The following PDE1A variants were observed in gnomAD, a reference collection of about 807,000 sequenced individuals.
The protein encoded by PDE1A is phosphodiesterase 1A, also known as dual specificity calcium/calmodulin-dependent 3',5'-cyclic nucleotide phosphodiesterase 1A.
In PDE1A, 35 loss-of-function variants were observed where a neutral mutation model predicts 61.7. The observed-to-expected ratio is 0.57, with a 90% CI of 0.43 to 0.75. PDE1A has a LOEUF of 0.75. PDE1A is among the 30% of genes least tolerant of loss of function. PDE1A has a pLI of 0.00. For missense variants in PDE1A, 597 were observed against 630.6 expected (o/e 0.95, Z 0.57); for synonymous variants, 232 against 213.2 (o/e 1.09, Z -0.77).
chr2:182,679,627 T>TA, the PDE1A span, among the ~76,000 whole-genome samples: 1 of 152,082 alleles, frequency 6.6e-6, no homozygotes, highest in Non-Finnish European at 1.5e-5. Context: ...AAAGGAAATG[T>TA]AAAATCCTCC....
At chr2:182,281,530 G>A (rs543810609) in intron 1 of PDE1A, among the ~76,000 whole-genome samples, 7 of 151,748 alleles carry the variant, frequency 4.6e-5, no homozygotes, top group South Asian at 4.2e-4. Flanking sequence ...CAACTGCTTC[G>A]TGAAAGAGCC....
chr2:182,208,255 C>G (rs931969037), intron 7 of PDE1A, among the ~76,000 whole-genome samples: 1 of 152,106 alleles, frequency 6.6e-6, no homozygotes, highest in South Asian at 2.1e-4. Flanking sequence ...AATTGACTTA[C>G]AGTTCTGCAT....
Position 182,264,297 on chromosome 2 carries a change from T to C in PDE1A, c.167+4A>G, listed in dbSNP as rs1692444524. On this transcript the variant is annotated splice_donor_region_variant and intron_variant, in intron 2 of 13. Transcript: ENST00000351439. ...AGATAAAAGAGAAGAAGGTTAAAAC[T>C]TACCTTGTTTCATCGATATAAACTG... 6.3e-7 allele frequency: 1 copy of C among 1,590,230 alleles called. No individual in the cohort carries two copies. Among genetic ancestry groups the C allele is most frequent in the Admixed American group, 1.7e-5 (1 of 59,312 alleles).
intron 1 of PDE1A, among the ~76,000 whole-genome samples, chr2:182,278,143 A>G (rs1249025869): frequency 6.6e-6 from 1 of 151,988 alleles, no homozygotes; most frequent in Non-Finnish European, 1.5e-5. Context: ...TGAATTCTCT[A>G]CCCTTTCCTG....
intron 2 of PDE1A, among the ~76,000 whole-genome samples, chr2:182,499,186 T>TG (rs1298552389): frequency 1.5e-5 from 2 of 135,218 alleles, no homozygotes; most frequent in African/African-American, 5.7e-5. Flanking sequence ...TTTTTTTTTT[T>TG]TTTTTTTTGA....
At chr2:182,468,987 G>A (rs376504680) in intron 2 of PDE1A, among the ~76,000 whole-genome samples, 166 of 152,076 alleles carry the variant, frequency 1.1e-3, no homozygotes, top group African/African-American at 3.8e-3. Context: ...CAGATGTACT[G>A]TTATCCAGCT....
intron 2 of PDE1A, among the ~76,000 whole-genome samples, chr2:182,464,846 C>G (rs192249361): frequency 6.6e-6 from 1 of 151,994 alleles, no homozygotes; most frequent in African/African-American, 2.4e-5. Flanking sequence ...ACCACCAGAA[C>G]GAAAGCACCA....
At chr2:182,168,038 T>C (rs754049162) in exon 14 of PDE1A, 14 of 1,255,940 alleles carry the variant, frequency 1.1e-5, no homozygotes, top group Non-Finnish European at 1.4e-5. Flanking sequence ...AGCCACTAGA[T>C]GAATCTGTTC....
intron 1 of PDE1A, among the ~76,000 whole-genome samples, chr2:182,362,898 C>T (rs999550498): frequency 3.3e-5 from 5 of 151,920 alleles, no homozygotes; most frequent in East Asian, 3.9e-4. Context: ...AAAAGGAATG[C>T]GATCACGTTC....
downstream of PDE1A, among the ~76,000 whole-genome samples, chr2:182,145,880 G>C (rs896676904): frequency 1.3e-5 from 2 of 152,094 alleles, no homozygotes; most frequent in Admixed American, 6.5e-5. Context: ...AGAATATTGA[G>C]GAAGAAATTA....
chr2:182,402,996 T>C (rs1176210405), intron 1 of PDE1A, among the ~76,000 whole-genome samples: 1 of 152,024 alleles, frequency 6.6e-6, no homozygotes, highest in Non-Finnish European at 1.5e-5. Flanking sequence ...CCAGTTAGAA[T>C]GGCGACCATT....
chr2:182,374,312 A>C (rs1242758074), intron 1 of PDE1A, among the ~76,000 whole-genome samples: 1 of 152,094 alleles, frequency 6.6e-6, no homozygotes, highest in African/African-American at 2.4e-5. Context: ...ACCTCACACC[A>C]TAGATAAGAA....
intron 1 of PDE1A, among the ~76,000 whole-genome samples, chr2:182,384,103 A>G (rs1333425481): frequency 1.3e-5 from 2 of 152,216 alleles, no homozygotes; most frequent in African/African-American, 4.8e-5. Context: ...GACAATCCTT[A>G]GTGACAGGCA....
chr2:182,708,601 T>C, the PDE1A span, among the ~76,000 whole-genome samples: 1 of 151,998 alleles, frequency 6.6e-6, no homozygotes, highest in Admixed American at 6.6e-5. Flanking sequence ...GCCCATCAGA[T>C]CTCTGAGAAC....
chr2:182,629,414 C>A, the PDE1A span, among the ~76,000 whole-genome samples: 2 of 152,206 alleles, frequency 1.3e-5, no homozygotes, highest in Non-Finnish European at 2.9e-5. Flanking sequence ...ACTACCACCA[C>A]CACCACTCAG....
intron 2 of PDE1A, among the ~76,000 whole-genome samples, chr2:182,493,423 C>T (rs1227111889): frequency 6.6e-6 from 1 of 152,050 alleles, no homozygotes. Flanking sequence ...CTAATGCTAT[C>T]CCTCCCCGCC....
rs532032895 is a variant in PDE1A, at chr2:182,441,797, G to C, written c.101+80479C>G. Reference sequence around the variant, plus strand: ...AGAACATACAAATGAGCTTGAAGAGGCTTCATTGATCAAATCTGGGACAAT... The same window carrying C: ...AGAACATACAAATGAGCTTGAAGAGCCTTCATTGATCAAATCTGGGACAAT... On this transcript the variant is annotated intron_variant, in intron 2 of 14. Coordinates refer to the PDE1A transcript ENST00000410103. Among the ~76,000 whole-genome samples the C allele has an allele frequency of 2.1e-4, 32 of 152,150 alleles. No homozygotes were observed. The South Asian group carries it at 6.4e-3, about 31-fold the overall frequency.
chr2:182,186,307 G>A (rs1685200430), intron 12 of PDE1A, among the ~76,000 whole-genome samples, 161 bp downstream of exon 12: 1 of 152,142 alleles, frequency 6.6e-6, no homozygotes. Context: ...AACTTCAGTT[G>A]TCAAAGGCAG....
At chr2:182,366,662 C>T (rs1699855657) in intron 1 of PDE1A, among the ~76,000 whole-genome samples, 1 of 151,978 alleles carries the variant, frequency 6.6e-6, no homozygotes, top group Non-Finnish European at 1.5e-5. Flanking sequence ...AGAAGCCAGA[C>T]TGTTTATGTA....
Sources: gnomAD v4.1 joint callset for allele counts (sites outside exome capture counted in the v4.1 genomes callset) on GRCh38, gnomAD v4.1.1 for gene constraint, MANE v1.5 for transcripts, NCBI Gene and HGNC (gene_info 2026-07-23, HGNC 2026-07-21) for gene names.